The following FMN1 variants were observed in gnomAD, a reference collection of about 807,000 sequenced individuals.
FMN1 encodes formin 1.
In FMN1, 110 loss-of-function variants were observed where a neutral mutation model predicts 132.4. The observed-to-expected ratio is 0.83, with a 90% CI of 0.71 to 0.97. The LOEUF is 0.97. Among genes scored for constraint, FMN1 ranks in the 50% least tolerant of loss-of-function variants. The probability of loss-of-function intolerance (pLI) is 0.00; values close to 1 mark genes in which losing one functional copy is unlikely to be tolerated. For synonymous variants in FMN1, 722 were observed against 651.7 expected (o/e 1.11, Z -1.64); for missense variants, 1,792 against 1,705.3 (o/e 1.05, Z -0.90).
chr15:32,969,439 C>T lies in FMN1; in HGVS notation c.2262G>A (p.Glu754=), dbSNP rs1485626550. 2 of 1,613,916 alleles carry T rather than the reference C, an allele frequency of 1.2e-6. No individual in the cohort carries two copies. Among genetic ancestry groups the T allele is most frequent in the South Asian group, 1.1e-5 (1 of 91,080 alleles). Residue 754 remains glutamate (E), a synonymous_variant, in exon 8 of 21, where the codon GAG becomes GAA. Transcript: ENST00000616417. ...CTAGTCTCGCTGTTATCATTGCATG[C>T]TCGCCCCGGATATGAAATGCCCGAA... is the stretch of plus-strand genomic sequence containing the variant. ...FELRAFHIRG[E]HAMITARLEE...
intron 6 of FMN1, among the ~76,000 whole-genome samples, chr15:33,048,901 G>C (rs2956148): frequency 2.0e-5 from 3 of 152,154 alleles, no homozygotes; most frequent in East Asian, 1.9e-4. Flanking sequence ...GGGAATTCAA[G>C]ATAAGATTTG....
At chr15:33,026,994 T>C (rs2035707556) in intron 6 of FMN1, among the ~76,000 whole-genome samples, 1 of 152,254 alleles carries the variant, frequency 6.6e-6, no homozygotes, top group South Asian at 2.1e-4. Context: ...GATCTGAATT[T>C]GTGTGGAGTG....
intron 17 of FMN1, among the ~76,000 whole-genome samples, chr15:32,851,960 G>C (rs895070005): frequency 6.6e-6 from 1 of 152,194 alleles, no homozygotes; most frequent in Non-Finnish European, 1.5e-5. Flanking sequence ...AAAACACTCT[G>C]TATAAGCTGT....
chr15:32,915,471 C>A (rs936738939), intron 10 of FMN1, among the ~76,000 whole-genome samples: 6 of 152,198 alleles, frequency 3.9e-5, no homozygotes, highest in African/African-American at 1.4e-4. Flanking sequence ...CTATTTTCGG[C>A]GTCACCCAAG....
rs556784993 is a variant in FMN1 at position 33,102,891 on chromosome 15, C to G, written c.1868-13917G>C. Among the ~76,000 whole-genome samples the G allele has an allele frequency of 3.9e-5, 6 of 152,140 alleles. No individual in the cohort carries two copies. The South Asian group carries it at 1.2e-3, about 32-fold the overall frequency. On this transcript the variant is annotated intron_variant, in intron 4 of 20. Coordinates refer to ENST00000616417, the MANE Select transcript of FMN1 (RefSeq NM_001277313.2). Reference sequence around the variant, plus strand: ...CAAACCATGGAACTAATTAGGCCTTCTCTGATATTCCTGTTTAAAATAGAT... The same window carrying G: ...CAAACCATGGAACTAATTAGGCCTTGTCTGATATTCCTGTTTAAAATAGAT...
chr15:33,078,188 G>C (rs952114615), intron 5 of FMN1, among the ~76,000 whole-genome samples: 2 of 152,114 alleles, frequency 1.3e-5, no homozygotes, highest in Non-Finnish European at 2.9e-5. Flanking sequence ...GCGTAAAATG[G>C]GAAAAATAAT....
chr15:32,934,361 A>T (rs771480737), intron 9 of FMN1, among the ~76,000 whole-genome samples: 7 of 152,116 alleles, frequency 4.6e-5, no homozygotes, highest in Non-Finnish European at 8.8e-5. Context: ...TCTATACCAG[A>T]GTTAAAAGTG....
intron 5 of FMN1, among the ~76,000 whole-genome samples, chr15:33,074,871 A>G (rs1199715395): frequency 6.6e-6 from 1 of 151,886 alleles, no homozygotes; most frequent in Non-Finnish European, 1.5e-5. Flanking sequence ...CAAAAAAATT[A>G]GCCAGGCGTG....
At chr15:32,885,282 T>C (rs1270883021) in intron 16 of FMN1, among the ~76,000 whole-genome samples, 1 of 152,132 alleles carries the variant, frequency 6.6e-6, no homozygotes, top group Non-Finnish European at 1.5e-5. Context: ...GTTTTGGGAG[T>C]GTGTGCACAC....
intron 15 of FMN1, among the ~76,000 whole-genome samples, chr15:32,894,437 T>A (rs575188760): frequency 6.6e-6 from 1 of 150,890 alleles, no homozygotes; most frequent in Non-Finnish European, 1.5e-5. Flanking sequence ...TGAGCCAAGA[T>A]TGCACCACTG....
At chr15:33,085,429 T>C (rs1242360463) in intron 5 of FMN1, among the ~76,000 whole-genome samples, 1 of 151,956 alleles carries the variant, frequency 6.6e-6, no homozygotes, top group East Asian at 1.9e-4. Flanking sequence ...CTAAAAAAAC[T>C]ATTTTAGTTT....
intron 4 of FMN1, among the ~76,000 whole-genome samples, chr15:33,115,961 TAGTA>T (rs750933967): frequency 1.3e-5 from 2 of 152,154 alleles, no homozygotes; most frequent in African/African-American, 2.4e-5. Context: ...CTTGCAATAA[TAGTA>T]AGTTTCTCAG....
intron 4 of FMN1, among the ~76,000 whole-genome samples, chr15:33,109,792 A>G (rs1566923480): frequency 2.0e-5 from 3 of 151,612 alleles, no homozygotes; most frequent in Admixed American, 1.3e-4. Flanking sequence ...TGACACGTTT[A>G]CCTATGTAAC....
At chr15:32,826,568 G>T (rs949667836) in intron 17 of FMN1, among the ~76,000 whole-genome samples, 2 of 152,196 alleles carry the variant, frequency 1.3e-5, no homozygotes, top group African/African-American at 4.8e-5. Context: ...CCAATTTAAT[G>T]AGAAACCAGG....
intron 11 of FMN1, among the ~76,000 whole-genome samples, chr15:32,909,979 C>T (rs1229316978): frequency 6.6e-6 from 1 of 152,116 alleles, no homozygotes; most frequent in Non-Finnish European, 1.5e-5. Flanking sequence ...ACTTAGCAGG[C>T]AATGGTAGAC....
chr15:32,774,341 C>G lies in FMN1; in HGVS notation c.4229G>C (p.Arg1410Pro). The G allele has an allele frequency of 6.3e-7, 1 of 1,599,506 alleles. No homozygotes were observed. Among genetic ancestry groups the G allele is most frequent in the Non-Finnish European group, 8.5e-7 (1 of 1,172,886 alleles). The change falls in exon 21 of 21, where the codon CGT becomes CCT. Residue 1410 changes from arginine (R) to proline (P), a missense_variant. This residue lies in a region of FMN1 where 1,150 missense variants were observed against 1,043.1 expected (regional missense o/e 1.10). Transcript: ENST00000616417. ...NPTASLKERL[R>P]QKEASVTTN ...AGTGGTCACACTGGCTTCCTTCTGA[C>G]GCAGTCTTTCTTTCTGTTAAGGAAA... is the stretch of plus-strand genomic sequence containing the variant.
chr15:33,154,536 C>A lies in FMN1; in HGVS notation c.379G>T (p.Ala127Ser). The A allele has an allele frequency of 2.0e-6, 3 of 1,536,104 alleles. No homozygotes were observed. The highest frequency in any genetic ancestry group is 1.7e-6 in the Non-Finnish European group (2 of 1,146,908). The change falls in exon 4 of 21, where the codon GCC becomes TCC. Residue 127 changes from alanine (A) to serine (S), a missense_variant. By Grantham distance (99) the Ala-to-Ser change is moderately conservative. Transcript: ENST00000616417. Reference protein sequence around the residue: ...GKLQELSVSLAPEDDCFQSAG... With the variant: ...GKLQELSVSLSPEDDCFQSAG... ...CTCTGGAAACAGTCATCCTCGGGGG[C>A]CAGGCTCACGGACAGCTCTTGCAGC...
chr15:32,884,054 A>ATG (rs141373264), intron 16 of FMN1, among the ~76,000 whole-genome samples: 3 of 150,640 alleles, frequency 2.0e-5, no homozygotes, highest in Non-Finnish European at 4.4e-5. Context: ...GTGTTTGTGT[A>ATG]TGTGTGTGTG....
chr15:33,063,577 C>T (rs1233011389), intron 6 of FMN1: 1 of 152,156 alleles, frequency 6.6e-6, no homozygotes, highest in East Asian at 1.9e-4. Context: ...TTGAGTGCCA[C>T]CTGATTCCTG....
Sources: allele counts gnomAD v4.1 joint callset (sites outside exome capture counted in the v4.1 genomes callset), GRCh38; gene constraint gnomAD v4.1.1; regional missense constraint gnomAD v4.1.1; transcripts MANE v1.5; gene names NCBI Gene and HGNC (gene_info 2026-07-23, HGNC 2026-07-21).